The following PPM1E variants were observed in gnomAD, a reference collection of about 807,000 sequenced individuals.
PPM1E encodes the protein protein phosphatase 1E.
PPM1E carries 20 observed loss-of-function variants against 65.9 expected under a neutral mutation model. The observed-to-expected ratio is 0.30, with a 90% CI of 0.21 to 0.44. The LOEUF is 0.44. Among genes scored for constraint, PPM1E ranks in the 20% least tolerant of loss-of-function variants. The probability of loss-of-function intolerance (pLI) is 1.00; values close to 1 mark genes in which losing one functional copy is unlikely to be tolerated. For synonymous variants in PPM1E, 352 were observed against 374.9 expected, an observed-to-expected ratio of 0.94 and a Z score of 0.70; for missense variants, 713 against 953.1, an observed-to-expected ratio of 0.75 and a Z score of 3.32.
At chr17:58,859,343 C>T (rs1217323157) in intron 1 of PPM1E, among the ~76,000 whole-genome samples, 1 of 152,330 alleles carries the variant, frequency 6.6e-6, no homozygotes, top group South Asian at 2.1e-4. Context: ...ACATAGCCAC[C>T]GTCCTTTCAA....
chr17:58,969,787 G>A (rs568514912), intron 4 of PPM1E, 60 bp downstream of exon 4: 1 of 1,530,708 alleles, frequency 6.5e-7, no homozygotes, highest in South Asian at 1.2e-5. Flanking sequence ...AATTTGGTCT[G>A]TGTGGTTAAA....
intron 1 of PPM1E, among the ~76,000 whole-genome samples, chr17:58,879,275 C>CA (rs71143298): frequency 0.64 from 94,957 of 149,080 alleles, 30,628 homozygotes; most frequent in African/African-American, 0.71. Flanking sequence ...TCTCCACATA[C>CA]TATATATAAT....
At position 58,982,813 on chromosome 17, in the gene PPM1E, A is replaced by G; in HGVS notation, c.*1782A>G. On this transcript the variant is annotated 3_prime_UTR_variant, in exon 7 of 7. Transcript: ENST00000308249. ...CCAACTATAGTGCCGGAACCTTTTC[A>G]TCATTCTGAGGCTTTGCCCCACACA... The G allele has an allele frequency of 3.3e-6, 4 of 1,196,544 alleles. No homozygotes were observed. The highest frequency in any genetic ancestry group is 4.8e-6 in the Non-Finnish European group (4 of 833,428). The allele number at this position is 1,196,544 out of a possible 1,614,324, so 74.1% of individuals were successfully genotyped here. A position where few individuals can be genotyped will look rare whatever the true frequency, so the allele number is the denominator to read the frequency against.
At position 58,982,656 on chromosome 17, in the gene PPM1E, G is replaced by GTT; in HGVS notation, c.*1626_*1627dup. 2.1e-6 allele frequency: 1 copy of GTT among 479,058 alleles called. No homozygotes were observed. Among genetic ancestry groups the GTT allele is most frequent in the Non-Finnish European group, 3.7e-6 (1 of 268,970 alleles). The allele number at this position is 479,058 out of a possible 1,614,324, so 29.7% of individuals were successfully genotyped here. On this transcript the variant is annotated 3_prime_UTR_variant, in exon 7 of 7. Transcript: ENST00000308249. ...GCTTCACTTTAGCAATGATCAGATT[G>GTT]TTAATCTACAGATTTTATTTTTTAA...
chr17:58,874,623 C>T (rs1271468974), intron 1 of PPM1E, among the ~76,000 whole-genome samples: 1 of 152,056 alleles, frequency 6.6e-6, no homozygotes, highest in Non-Finnish European at 1.5e-5. Context: ...ATATCAGTTA[C>T]AATAATAATA....
At chr17:58,935,751 T>C (rs2051971226) in intron 1 of PPM1E, among the ~76,000 whole-genome samples, 1 of 152,132 alleles carries the variant, frequency 6.6e-6, no homozygotes, top group African/African-American at 2.4e-5. Context: ...GTGAACCTGA[T>C]CAGTGTGAGC....
At chr17:58,929,450 C>T (rs2051865219) in intron 1 of PPM1E, among the ~76,000 whole-genome samples, 1 of 152,108 alleles carries the variant, frequency 6.6e-6, no homozygotes, top group Non-Finnish European at 1.5e-5. Flanking sequence ...GTAAATTTTA[C>T]TAAAGCCTGT....
intron 1 of PPM1E, among the ~76,000 whole-genome samples, chr17:58,765,341 C>A (rs1037138712): frequency 2.0e-5 from 3 of 151,950 alleles, no homozygotes; most frequent in Non-Finnish European, 2.9e-5. Flanking sequence ...CCATGCCCAG[C>A]TAATTTTTGT....
At chr17:58,940,513 A>G (rs779752551) in intron 1 of PPM1E, among the ~76,000 whole-genome samples, 3 of 152,226 alleles carry the variant, frequency 2.0e-5, no homozygotes, top group Non-Finnish European at 2.9e-5. Context: ...AAAAAATTAT[A>G]TTAACTGTGA....
intron 1 of PPM1E, among the ~76,000 whole-genome samples, chr17:58,761,743 C>T (rs146595201): frequency 6.6e-6 from 1 of 152,302 alleles, no homozygotes; most frequent in Non-Finnish European, 1.5e-5. Flanking sequence ...GGGGTCCCTT[C>T]TACGTTCCTT....
intron 1 of PPM1E, among the ~76,000 whole-genome samples, chr17:58,873,307 A>G (rs2051091632): frequency 6.6e-6 from 1 of 152,130 alleles, no homozygotes; most frequent in African/African-American, 2.4e-5. Context: ...TACTATCAAC[A>G]TTACTGTTTT....
chr17:58,976,956 G>A (rs1452184737), intron 6 of PPM1E, among the ~76,000 whole-genome samples: 4 of 151,940 alleles, frequency 2.6e-5, no homozygotes, highest in African/African-American at 9.7e-5. Flanking sequence ...TTAGTAAATT[G>A]GTGAAGGACA....
intron 1 of PPM1E, among the ~76,000 whole-genome samples, chr17:58,921,026 ATAT>A (rs2051743432): frequency 3.3e-5 from 5 of 152,234 alleles, no homozygotes; most frequent in Non-Finnish European, 5.9e-5. Flanking sequence ...CATTTCTGTC[ATAT>A]ACTGCTGATA....
At chr17:58,890,017 CT>C (rs1426209371) in intron 1 of PPM1E, among the ~76,000 whole-genome samples, 51 of 152,260 alleles carry the variant, frequency 3.3e-4, no homozygotes, top group African/African-American at 1.2e-3. Flanking sequence ...ACAGTTGCTT[CT>C]CAATTTACAT....
chr17:58,955,709 G>A lies in PPM1E; in HGVS notation c.525G>A (p.Gln175=). Residue 175 remains glutamine, a synonymous_variant, in exon 2 of 7, where the codon CAG becomes CAA. Transcript: ENST00000308249. ...GAGCCACATCAGATGAAGTCCTTCA[G>A]AGTGATCTTTCTGCACATTATATCC... ...LARATSDEVL[Q]SDLSAHYIPK... 3 of 1,613,572 alleles carry A rather than the reference G, an allele frequency of 1.9e-6. No homozygotes were observed. The highest frequency in any genetic ancestry group is 1.1e-5 in the South Asian group (1 of 90,786).
At chr17:58,816,787 TATA>T (rs1567842283) in intron 1 of PPM1E, among the ~76,000 whole-genome samples, 9 of 9,990 alleles carry the variant, frequency 9.0e-4, no homozygotes, top group Non-Finnish European at 1.2e-3. Flanking sequence ...TATATATATA[TATA>T]TATATTTTTT....
intron 1 of PPM1E, among the ~76,000 whole-genome samples, chr17:58,864,077 C>G (rs996686261): frequency 2.6e-5 from 4 of 151,022 alleles, no homozygotes; most frequent in African/African-American, 9.7e-5. Context: ...TGCCTTCTGT[C>G]CATATCAACA....
At chr17:58,819,908 G>C (rs2050462788) in intron 1 of PPM1E, among the ~76,000 whole-genome samples, 1 of 152,084 alleles carries the variant, frequency 6.6e-6, no homozygotes, top group Middle Eastern at 3.4e-3. Flanking sequence ...TTGGTGGTGG[G>C]CACCCGTAAT....
At position 58,981,472 on chromosome 17, in the gene PPM1E, G is replaced by A. The variant is rs72828746; in HGVS notation, c.*441G>A. On this transcript the variant is annotated 3_prime_UTR_variant, in exon 7 of 7. Coordinates refer to ENST00000308249, the MANE Select transcript of PPM1E (RefSeq NM_014906.5). ...TTAATGCTGAATTACATTTGGTTGG[G>A]AAATGTCCCTCAAAATCCTGGGCAC... is the stretch of plus-strand genomic sequence containing the variant. 5.5e-3 allele frequency: 848 copies of A among 154,442 alleles called. 4 individuals are homozygous for A. Among genetic ancestry groups the A allele is most frequent in the Admixed American group, 8.6e-3 (133 of 15,496 alleles). The allele number at this position is 154,442 out of a possible 1,614,324, so 9.6% of individuals were successfully genotyped here.
Sources: allele counts gnomAD v4.1 joint callset (sites outside exome capture counted in the v4.1 genomes callset), GRCh38; gene constraint gnomAD v4.1.1; transcripts MANE v1.5; gene names NCBI Gene and HGNC (gene_info 2026-07-23, HGNC 2026-07-21).